The following SP140 variants were observed in gnomAD, a reference collection of about 807,000 sequenced individuals.
SP140 encodes SP140 nuclear body protein, also known as nuclear body protein SP140.
Under a neutral mutation model 125.0 loss-of-function variants are expected in SP140, and 81 were observed. The ratio of observed to expected loss-of-function variants is 0.65; its 90% confidence interval spans 0.54 to 0.78. The LOEUF is 0.78. Among genes scored for constraint, SP140 ranks in the 30% least tolerant of loss-of-function variants. The pLI is 0.00. For synonymous variants in SP140, 312 were observed against 354.0 expected, an observed-to-expected ratio of 0.88 and a Z score of 1.33; for missense variants, 858 against 1,037.0, an observed-to-expected ratio of 0.83 and a Z score of 2.37.
Position 230,248,907 on chromosome 2 carries a change from C to G in SP140, c.915C>G (p.Pro305=). 5 of 1,612,600 alleles carry G rather than the reference C, an allele frequency of 3.1e-6. No individual in the cohort carries two copies. Among genetic ancestry groups the G allele is most frequent in the Non-Finnish European group, 4.2e-6 (5 of 1,178,760 alleles). ...CAGAGACCTTTGATCTAAAAACTCCCCAAGTCACTAATGAAGGAGAACCAG... is the reference window on the plus strand; with the variant it reads ...CAGAGACCTTTGATCTAAAAACTCCGCAAGTCACTAATGAAGGAGAACCAG... The part of the protein sequence containing the change: ...RDKETFDLKT[P]QVTNEGEPEK... The change falls in exon 9 of 27, where the codon CCC becomes CCG. Residue 305 remains proline, a synonymous_variant. Transcript: ENST00000392045.
At chr2:230,299,880 G>A (rs1206188439) in intron 22 of SP140, among the ~76,000 whole-genome samples, 1 of 152,100 alleles carries the variant, frequency 6.6e-6, no homozygotes, top group Non-Finnish European at 1.5e-5. Context: ...AGCAGCAGAG[G>A]CAGGCATAAT....
intron 21 of SP140, among the ~76,000 whole-genome samples, chr2:230,296,595 T>C (rs1310122511): frequency 6.6e-6 from 1 of 152,180 alleles, no homozygotes; most frequent in Non-Finnish European, 1.5e-5. Flanking sequence ...CAGAGGACCT[T>C]GGAGGCATTT....
chr2:230,227,721 GT>G (rs2046665179), intron 1 of SP140, among the ~76,000 whole-genome samples: 1 of 152,140 alleles, frequency 6.6e-6, no homozygotes, highest in Admixed American at 6.5e-5. Flanking sequence ...AGAGTCCATA[GT>G]TTTCCTTTAT....
chr2:230,256,763 C>T (rs2051282301), intron 12 of SP140, among the ~76,000 whole-genome samples: 1 of 152,128 alleles, frequency 6.6e-6, no homozygotes, highest in African/African-American at 2.4e-5. Context: ...TTTTCACAAA[C>T]TTGACAAAGC....
chr2:230,314,364 C>T (rs533413516), downstream of SP140, among the ~76,000 whole-genome samples: 9 of 152,268 alleles, frequency 5.9e-5, 1 homozygote, highest in East Asian at 1.4e-3. Flanking sequence ...GTTTATCCTC[C>T]GAAGGAGCTG....
chr2:230,291,686 CTT>C (rs2057131433), intron 19 of SP140, among the ~76,000 whole-genome samples: 1 of 152,198 alleles, frequency 6.6e-6, no homozygotes, highest in African/African-American at 2.4e-5. Context: ...TATTTCCACT[CTT>C]TGGCTATTAT....
chr2:230,294,169 G>A, intron 20 of SP140, 102 bp from the exon 21 acceptor site: 1 of 888,442 alleles, frequency 1.1e-6, no homozygotes, highest in Non-Finnish European at 1.9e-6. Flanking sequence ...TGAGCTGGCA[G>A]TGGAACACTC....
intron 17 of SP140, among the ~76,000 whole-genome samples, chr2:230,287,538 T>G (rs2056544150): frequency 6.6e-6 from 1 of 152,228 alleles, no homozygotes; most frequent in Non-Finnish European, 1.5e-5. Flanking sequence ...GATATGTAAG[T>G]GTTTAATGTG....
chr2:230,304,527 A>G (rs960315066), intron 22 of SP140, among the ~76,000 whole-genome samples: 2 of 152,232 alleles, frequency 1.3e-5, no homozygotes, highest in Admixed American at 1.3e-4. Flanking sequence ...TAGTCACCCA[A>G]ACAACATAGT....
intron 1 of SP140, among the ~76,000 whole-genome samples, chr2:230,230,990 G>A (rs1394195580): frequency 2.0e-5 from 3 of 150,436 alleles, no homozygotes; most frequent in African/African-American, 7.3e-5. Flanking sequence ...AGTTTCTTTT[G>A]ACATATCTTC....
the SP140 span, among the ~76,000 whole-genome samples, chr2:230,193,452 G>C: frequency 6.6e-6 from 1 of 152,176 alleles, no homozygotes; most frequent in African/African-American, 2.4e-5. Flanking sequence ...TATAGACCTT[G>C]TGAGTTTTAT....
chr2:230,223,293 C>T (rs2045974545), upstream of SP140, among the ~76,000 whole-genome samples: 1 of 152,168 alleles, frequency 6.6e-6, no homozygotes, highest in Admixed American at 6.5e-5. Context: ...CCTCAGCCTC[C>T]CGAAGTGCTG....
chr2:230,201,105 A>G, upstream of SP140: 2 of 740,674 alleles, frequency 2.7e-6, no homozygotes, highest in Admixed American at 1.9e-5. Flanking sequence ...GCATCTACCA[A>G]GAGATTTGGT....
At chr2:230,289,680 G>A (rs1260068616) in intron 18 of SP140, among the ~76,000 whole-genome samples, 1 of 152,118 alleles carries the variant, frequency 6.6e-6, no homozygotes, top group African/African-American at 2.4e-5. Context: ...TCGCCATGTT[G>A]GCCAGGCTGG....
intron 1 of SP140, chr2:230,209,951 C>T: frequency 6.2e-7 from 1 of 1,607,142 alleles, no homozygotes; most frequent in Non-Finnish European, 8.5e-7. Context: ...TGAAGGTGTG[C>T]TGGACACCTC....
At chr2:230,269,794 TG>T in intron 13 of SP140, 42 bp from the exon 14 acceptor site, 1 of 1,481,120 alleles carries the variant, frequency 6.8e-7, no homozygotes, top group Non-Finnish European at 9.4e-7. Flanking sequence ...ATAGAGTCAC[TG>T]GGTCAAACTG....
chr2:230,211,337 G>A lies in SP140; in HGVS notation c.-322-2317G>A. On this transcript the variant is annotated intron_variant, in intron 1 of 4. Transcript: ENST00000456542. The surrounding 1 kb of genome is among the most constrained non-coding windows in gnomAD (Gnocchi z 4.2). ...TGCCTGTTCAAGCTCCCAAGTGCTGGGTGAACTGGAAGCTGGGCCAAGATT... is the reference window on the plus strand; with the variant it reads ...TGCCTGTTCAAGCTCCCAAGTGCTGAGTGAACTGGAAGCTGGGCCAAGATT... 1.4e-6 allele frequency: 1 copy of A among 723,568 alleles called. No homozygotes were observed. Among genetic ancestry groups the A allele is most frequent in the Non-Finnish European group, 2.5e-6 (1 of 395,952 alleles). The allele number at this position is 723,568 out of a possible 1,614,324, so 44.8% of individuals were successfully genotyped here. A position where few individuals can be genotyped will look rare whatever the true frequency, so the allele number is the denominator to read the frequency against.
chr2:230,270,648 A>C lies in SP140; in HGVS notation c.1498+9A>C. Reference sequence around the variant, plus strand: ...ACCCAAGAGGAAAAGAAGTAAGAATAAATAAGAATTTATTTGCTTTTGGTA... The same window carrying C: ...ACCCAAGAGGAAAAGAAGTAAGAATCAATAAGAATTTATTTGCTTTTGGTA... On this transcript the variant is annotated intron_variant, in intron 15 of 26. Transcript: ENST00000392045. 1 of 1,600,198 alleles carries C rather than the reference A, an allele frequency of 6.2e-7. No homozygotes were observed. Among genetic ancestry groups the C allele is most frequent in the Non-Finnish European group, 8.6e-7 (1 of 1,168,672 alleles).
chr2:230,268,724 T>A (rs1007497971), intron 12 of SP140, among the ~76,000 whole-genome samples: 3 of 152,108 alleles, frequency 2.0e-5, no homozygotes, highest in Admixed American at 6.5e-5. Flanking sequence ...CAAGTCAGAG[T>A]TCGAGTTGTT....
Sources: allele counts gnomAD v4.1 joint callset (sites outside exome capture counted in the v4.1 genomes callset), GRCh38; gene constraint gnomAD v4.1.1; non-coding constraint Gnocchi (gnomAD v3.1); transcripts MANE v1.5; gene names NCBI Gene and HGNC (gene_info 2026-07-23, HGNC 2026-07-21).